Variants in ITGA2 observed in about 807,000 individuals in gnomAD.
ITGA2 encodes the protein integrin alpha-2.
In ITGA2, 101 loss-of-function variants were observed where a neutral mutation model predicts 146.3. The ratio of observed to expected loss-of-function variants is 0.69; its 90% confidence interval spans 0.59 to 0.81. The LOEUF is 0.81. ITGA2 is among the 40% of genes least tolerant of loss of function. The pLI, the probability that ITGA2 is intolerant of heterozygous loss-of-function variation, is 0.00. For missense variants in ITGA2, 1,281 were observed against 1,402.7 expected (o/e 0.91, Z 1.39); for synonymous variants, 477 against 487.1 (o/e 0.98, Z 0.27).
At chr5:53,049,807 A>G (rs893317853) in intron 6 of ITGA2, among the ~76,000 whole-genome samples, 2 of 152,122 alleles carry the variant, frequency 1.3e-5, no homozygotes, top group East Asian at 1.9e-4. Flanking sequence ...GTGTATGCTC[A>G]TGGATTGCAT....
In ITGA2 at chr5:53,090,634, A is replaced by C. The variant is rs113222066; in HGVS notation, c.*35A>C. 19,127 of 1,542,582 alleles carry C rather than the reference A, an allele frequency of 0.012. 163 individuals are homozygous for C. Among genetic ancestry groups the C allele is most frequent in the Non-Finnish European group, 0.016 (17,302 of 1,114,750 alleles). ...CCTACCTGCAGTGGGAACCGGCAGC[A>C]TCCCAGCCAGGGTTTGCTGTTTGCG... On this transcript the variant is annotated 3_prime_UTR_variant, in exon 30 of 30. Transcript: ENST00000296585.
rs10037449 is a variant in ITGA2 at position 53,039,401 on chromosome 5, G to A, written c.186-2711G>A. ...ACACAATGGTAACAGAATGTATAAT[G>A]CTTCCCTCTCAACTTGGTTGATTTG... On this transcript the variant is annotated intron_variant, in intron 2 of 29. Coordinates refer to ENST00000296585, the MANE Select transcript of ITGA2 (RefSeq NM_002203.4). 5.9e-3 allele frequency among the ~76,000 whole-genome samples: 900 copies of A among 152,246 alleles called. 5 individuals carry two copies. The highest frequency in any genetic ancestry group is 0.021 in the African/African-American group (863 of 41,536).
At position 53,074,418 on chromosome 5, in the gene ITGA2, G is replaced by A. The variant is rs147764838; in HGVS notation, c.2605G>A (p.Ala869Thr). 170 of 1,612,388 alleles carry A rather than the reference G, an allele frequency of 1.1e-4. 2 individuals carry two copies. In the African/African-American group the frequency reaches 1.7e-3, roughly 16 times the overall value. ...DGTEVTCQVAASQKSVACDVG... is the reference protein window; with the variant it reads ...DGTEVTCQVATSQKSVACDVG... ...GACAGAAGTAACATGCCAGGTGGCT[G>A]CATCTCAGAAGTCTGTTGCCTGCGA... The change falls in exon 21 of 30, where the codon GCA becomes ACA. Residue 869 changes from alanine to threonine, a missense_variant. Around this residue, in one of 3 missense-constraint regions of ITGA2, gnomAD observed 475 missense variants for 530.5 expected, o/e 0.90. Transcript: ENST00000296585.
At chr5:53,044,470 T>C (rs187922307) in intron 3 of ITGA2, among the ~76,000 whole-genome samples, 255 of 151,960 alleles carry the variant, frequency 1.7e-3, no homozygotes, top group Middle Eastern at 3.4e-3. Context: ...ATGGATACAG[T>C]GGTTGATGCC....
At chr5:53,066,045 G>C (rs1310686991) in intron 15 of ITGA2, 68 bp downstream of exon 15, 76 of 1,429,964 alleles carry the variant, frequency 5.3e-5, no homozygotes, top group Non-Finnish European at 6.6e-5. Context: ...ACAGATGTCT[G>C]TACTGGTATT....
chr5:53,080,430 C>G (rs1027115139), intron 24 of ITGA2, 81 bp from the exon 25 acceptor site: 1 of 1,083,316 alleles, frequency 9.2e-7, no homozygotes, highest in Non-Finnish European at 1.4e-6. Flanking sequence ...AGTTGCCCTT[C>G]ATCAACACGG....
At chr5:53,043,196 G>GTA (rs775778897) in intron 3 of ITGA2, among the ~76,000 whole-genome samples, 2,390 of 148,226 alleles carry the variant, frequency 0.016, 42 homozygotes, top group Admixed American at 0.052. Context: ...TGAACACTCA[G>GTA]TATATATATA....
chr5:53,017,903 G>A (rs1398275003), intron 1 of ITGA2, among the ~76,000 whole-genome samples: 1 of 152,122 alleles, frequency 6.6e-6, no homozygotes, highest in Admixed American at 6.5e-5. Flanking sequence ...GCTGGGGAGA[G>A]GCTGCGGTTG....
intron 1 of ITGA2, among the ~76,000 whole-genome samples, chr5:53,019,186 T>A (rs1742548742): frequency 6.6e-6 from 1 of 152,200 alleles, no homozygotes; most frequent in African/African-American, 2.4e-5. Context: ...TATTTAAAAA[T>A]GATTCAATGA....
chr5:53,037,492 G>A (rs10471828), intron 2 of ITGA2, among the ~76,000 whole-genome samples: 1,666 of 152,262 alleles, frequency 0.011, 25 homozygotes, highest in African/African-American at 0.037. Flanking sequence ...CTTCCTGCAC[G>A]TAAAATTTCA....
At chr5:53,076,438 G>A (rs1396897804) in intron 23 of ITGA2, among the ~76,000 whole-genome samples, 1 of 152,014 alleles carries the variant, frequency 6.6e-6, no homozygotes, top group Non-Finnish European at 1.5e-5. Flanking sequence ...TGTATCAAGT[G>A]AGTTGCAAAT....
chr5:53,060,820 TG>T, intron 11 of ITGA2, 80 bp from the exon 12 acceptor site: 1 of 1,323,000 alleles, frequency 7.6e-7, no homozygotes, highest in Non-Finnish European at 1.1e-6. Context: ...AAAGGATCTC[TG>T]GTCACCTTTA....
chr5:53,061,087 C>T (rs1744886957), intron 12 of ITGA2, 41 bp downstream of exon 12: 1 of 1,605,296 alleles, frequency 6.2e-7, no homozygotes, highest in Non-Finnish European at 8.5e-7. Flanking sequence ...ATTTTAGGGG[C>T]AACTGGGCAG....
intron 1 of ITGA2, among the ~76,000 whole-genome samples, chr5:53,012,963 T>A (rs1461600593): frequency 1.3e-5 from 2 of 152,144 alleles, no homozygotes; most frequent in Admixed American, 1.3e-4. Context: ...TTTTTGCTGG[T>A]AAATTTGCTT....
At chr5:52,991,320 C>A (rs1740941991) in intron 1 of ITGA2, among the ~76,000 whole-genome samples, 4 of 151,828 alleles carry the variant, frequency 2.6e-5, no homozygotes. Flanking sequence ...CATGAGTATC[C>A]CAGGTTAACA....
intron 27 of ITGA2, 152 bp downstream of exon 27, chr5:53,083,605 T>G: frequency 1.5e-6 from 1 of 678,828 alleles, no homozygotes; most frequent in Non-Finnish European, 2.7e-6. Context: ...GGCAGCACAC[T>G]TCCATCGCTT....
chr5:53,065,111 C>T lies in ITGA2; in HGVS notation c.1802C>T (p.Ser601Phe), dbSNP rs1037233732. The change falls in exon 14 of 30, where the codon TCC becomes TTC. Residue 601 changes from serine to phenylalanine, a missense_variant. Around this residue, in one of 3 missense-constraint regions of ITGA2, gnomAD observed 795 missense variants for 841.7 expected, o/e 0.94. Transcript: ENST00000296585. ...GHQGTIRTKY[S>F]QKILGSDGAF... ...CAGGGCACTATCCGCACAAAGTATT[C>T]CCAGGTAATCCATGAGCTGTTATGG... The T allele has an allele frequency of 1.2e-6, 2 of 1,611,958 alleles. No individual in the cohort carries two copies.
intron 13 of ITGA2, 150 bp from the exon 14 acceptor site, chr5:53,064,762 C>G (rs1745067415): frequency 1.3e-6 from 1 of 754,828 alleles, no homozygotes; most frequent in African/African-American, 1.7e-5. Context: ...TCAAGCAGGT[C>G]TCAAATACCT....
intron 2 of ITGA2, among the ~76,000 whole-genome samples, chr5:53,028,275 AG>A (rs1422691628): frequency 6.6e-6 from 1 of 152,188 alleles, no homozygotes; most frequent in Non-Finnish European, 1.5e-5. Flanking sequence ...GGCATCTTGG[AG>A]GATGTAAATC....
Sources: allele counts gnomAD v4.1 joint callset (sites outside exome capture counted in the v4.1 genomes callset), GRCh38; gene constraint gnomAD v4.1.1; regional missense constraint gnomAD v4.1.1; transcripts MANE v1.5; gene names NCBI Gene and HGNC (gene_info 2026-07-23, HGNC 2026-07-21).